SFMBT2: variants seen among roughly 807,000 people sequenced by gnomAD.
SFMBT2 encodes the protein Scm like with four mbt domains 2.
Under a neutral mutation model 110.1 loss-of-function variants are expected in SFMBT2, and 38 were observed. The ratio of observed to expected loss-of-function variants is 0.35; its 90% CI spans 0.27 to 0.45. SFMBT2 has a LOEUF of 0.45. SFMBT2 is among the 20% of genes least tolerant of loss of function. The pLI is 1.00. For synonymous variants in SFMBT2, 425 were observed against 425.4 expected (o/e 1.00, Z 0.01); for missense variants, 1,011 against 1,094.9 (o/e 0.92, Z 1.08).
At chr10:7,233,226 G>A (rs906820964) in intron 9 of SFMBT2, among the ~76,000 whole-genome samples, 4 of 152,176 alleles carry the variant, frequency 2.6e-5, no homozygotes, top group African/African-American at 7.2e-5. Flanking sequence ...GGAAGCAGGC[G>A]TTTTTATGTG....
intron 11 of SFMBT2, among the ~76,000 whole-genome samples, chr10:7,217,002 A>G (rs780791119): frequency 1.3e-5 from 2 of 152,248 alleles, no homozygotes; most frequent in African/African-American, 2.4e-5. Flanking sequence ...CAAAAAGACA[A>G]TATGGTAAAT....
intron 12 of SFMBT2, 137 bp downstream of exon 12, chr10:7,205,677 GA>G: frequency 2.1e-6 from 3 of 1,399,368 alleles, no homozygotes; most frequent in Non-Finnish European, 2.8e-6. Flanking sequence ...GCGAGATCAT[GA>G]AAACATGGGT....
At chr10:7,401,345 T>C (rs1301701611) in intron 1 of SFMBT2, among the ~76,000 whole-genome samples, 1 of 152,138 alleles carries the variant, frequency 6.6e-6, no homozygotes, top group Non-Finnish European at 1.5e-5. Flanking sequence ...CGTGTTGACC[T>C]TCTCTGAGCA....
At chr10:7,262,631 CG>C (rs1841243071) in intron 7 of SFMBT2, among the ~76,000 whole-genome samples, 1 of 152,184 alleles carries the variant, frequency 6.6e-6, no homozygotes, top group African/African-American at 2.4e-5. Context: ...AAATTCTTAA[CG>C]TTTAGGATTA....
intron 4 of SFMBT2, among the ~76,000 whole-genome samples, chr10:7,366,431 C>CAAAA (rs890894030): frequency 3.2e-5 from 2 of 63,272 alleles, no homozygotes; most frequent in African/African-American, 1.1e-4. Context: ...TATATCATAA[C>CAAAA]AAAAAAAAAA....
At chr10:7,174,808 G>A (rs1462829929) in intron 17 of SFMBT2, among the ~76,000 whole-genome samples, 5 of 152,188 alleles carry the variant, frequency 3.3e-5, no homozygotes, top group East Asian at 1.9e-4. Context: ...AAGCTCTTCC[G>A]GAACCAGGTG....
intron 9 of SFMBT2, among the ~76,000 whole-genome samples, chr10:7,242,252 C>T (rs1186832971): frequency 6.6e-6 from 1 of 152,188 alleles, no homozygotes; most frequent in Non-Finnish European, 1.5e-5. Flanking sequence ...CCACAGGTGT[C>T]TCCACTGGAC....
At chr10:7,277,482 A>G (rs960136230) in intron 6 of SFMBT2, 1 of 235,064 alleles carries the variant, frequency 4.3e-6, no homozygotes, top group Admixed American at 6.5e-5. Context: ...TGTAAGTCAG[A>G]AAATTATTAA....
At chr10:7,308,831 AC>A (rs1842766450) in intron 4 of SFMBT2, among the ~76,000 whole-genome samples, 1 of 152,236 alleles carries the variant, frequency 6.6e-6, no homozygotes. Flanking sequence ...AGAAGCCTGC[AC>A]AGTAAACAAT....
At position 7,324,998 on chromosome 10, in the gene SFMBT2, C is replaced by T. The variant is rs569784174; in HGVS notation, c.437-39044G>A. Among the ~76,000 whole-genome samples the T allele has an allele frequency of 6.4e-5, 8 of 125,084 alleles. No individual in the cohort carries two copies. In the South Asian group the frequency reaches 1.0e-3, roughly 16 times the overall value. 82.1% of individuals were successfully genotyped at this position (125,084 alleles called of 152,430 possible). ...TTTTTTTTTTTTTGAGACGGAGTCT[C>T]GCTCTGTTGCCCAGGCTGGAGTGCA... On this transcript the variant is annotated intron_variant, in intron 4 of 20. Coordinates refer to ENST00000397167, the MANE Select transcript of SFMBT2 (RefSeq NM_001387889.1).
intron 1 of SFMBT2, among the ~76,000 whole-genome samples, chr10:7,385,793 A>T (rs1227765069): frequency 1.3e-5 from 2 of 152,050 alleles, no homozygotes; most frequent in African/African-American, 2.4e-5. Flanking sequence ...AGGTCAGGAG[A>T]TCAAGACCAT....
At chr10:7,206,084 G>A (rs1462782985) in intron 11 of SFMBT2, 156 bp from the exon 12 acceptor site, 88 of 985,180 alleles carry the variant, frequency 8.9e-5, no homozygotes, top group Non-Finnish European at 1.0e-4. Context: ...TGGAAGAGAT[G>A]ACTTTAGAGG....
intron 6 of SFMBT2, among the ~76,000 whole-genome samples, chr10:7,280,380 T>TA (rs1841915652): frequency 6.7e-6 from 1 of 148,582 alleles, no homozygotes; most frequent in African/African-American, 2.5e-5. Flanking sequence ...AAACAAGCAC[T>TA]AAAAAAATGG....
At position 7,324,731 on chromosome 10, in the gene SFMBT2, AG is replaced by A. The variant is rs765936069; in HGVS notation, c.437-38778del. ...CTGGAGGCTGGGAAGCCCCAGATCA[AG>A]GGGGCAGCATGGTCAGTTTCACTCG... On this transcript the variant is annotated intron_variant, in intron 4 of 20. Coordinates refer to ENST00000397167, the MANE Select transcript of SFMBT2 (RefSeq NM_001387889.1). Among the ~76,000 whole-genome samples the A allele has an allele frequency of 2.0e-5, 3 of 152,202 alleles. No individual in the cohort carries two copies. The East Asian group carries it at 5.8e-4, about 29-fold the overall frequency.
In SFMBT2 at chr10:7,211,500, G is replaced by A. The variant is rs552644215; in HGVS notation, c.1331-5572C>T. On this transcript the variant is annotated intron_variant, in intron 11 of 20. Coordinates refer to ENST00000397167, the MANE Select transcript of SFMBT2 (RefSeq NM_001387889.1). ...CCCAAATCATTCCCAATGGACTTAC[G>A]ACAGCCAGAGCCAGTCCTGCTGCTG... is the stretch of plus-strand genomic sequence containing the variant. 2.6e-4 allele frequency among the ~76,000 whole-genome samples: 40 copies of A among 152,204 alleles called. No individual in the cohort carries two copies. In the South Asian group the frequency reaches 7.1e-3, roughly 27 times the overall value.
chr10:7,406,878 T>C (rs1040552311), intron 1 of SFMBT2, among the ~76,000 whole-genome samples: 3 of 152,118 alleles, frequency 2.0e-5, no homozygotes, highest in Non-Finnish European at 4.4e-5. Context: ...CCACTCTCTA[T>C]TCCAGGATGG....
rs529588211 is a variant in SFMBT2 at position 7,225,553 on chromosome 10, C to T, written c.1203+2302G>A. On this transcript the variant is annotated intron_variant, in intron 10 of 20. Coordinates refer to ENST00000397167, the MANE Select transcript of SFMBT2 (RefSeq NM_001387889.1). Reference sequence around the variant, plus strand: ...CAAAGACATTCCTCCTGAACATGCCCGCAGATTCATCCAAACAGAGAGCAT... The same window carrying T: ...CAAAGACATTCCTCCTGAACATGCCTGCAGATTCATCCAAACAGAGAGCAT... Among the ~76,000 whole-genome samples the T allele has an allele frequency of 7.2e-5, 11 of 152,222 alleles. No homozygotes were observed. The South Asian group carries it at 1.7e-3, about 23-fold the overall frequency.
intron 11 of SFMBT2, among the ~76,000 whole-genome samples, chr10:7,208,762 G>A (rs1409787217): frequency 6.6e-6 from 1 of 151,572 alleles, no homozygotes; most frequent in Non-Finnish European, 1.5e-5. Flanking sequence ...ATCTTCCAAT[G>A]TTCTGCTAAT....
chr10:7,338,987 C>T (rs1843806199), intron 4 of SFMBT2, among the ~76,000 whole-genome samples: 1 of 152,192 alleles, frequency 6.6e-6, no homozygotes, highest in African/African-American at 2.4e-5. Context: ...CACCTGTAAT[C>T]CTACCACTTT....
Sources: gnomAD v4.1 joint callset for allele counts (sites outside exome capture counted in the v4.1 genomes callset) on GRCh38, gnomAD v4.1.1 for gene constraint, MANE v1.5 for transcripts, NCBI Gene and HGNC (gene_info 2026-07-23, HGNC 2026-07-21) for gene names.